TRAPPC8: variants seen among roughly 807,000 people sequenced by gnomAD.
The protein encoded by TRAPPC8 is general sporulation gene 1 homolog.
Under a neutral mutation model 174.3 loss-of-function variants are expected in TRAPPC8, and 54 were observed. That is an observed-to-expected ratio of 0.31 (90% CI 0.25 to 0.39). The LOEUF (loss-of-function observed/expected upper bound fraction) is 0.39. Among genes scored for constraint, TRAPPC8 ranks in the 10% least tolerant of loss-of-function variants. The probability of loss-of-function intolerance (pLI) is 1.00; values close to 1 mark genes in which losing one functional copy is unlikely to be tolerated. For synonymous variants in TRAPPC8, 630 were observed against 579.9 expected, an observed-to-expected ratio of 1.09 and a Z score of -1.24; for missense variants, 1,531 against 1,699.1, an observed-to-expected ratio of 0.90 and a Z score of 1.74.
intron 12 of TRAPPC8, chr18:31,883,611 A>T (rs1465358595): frequency 6.5e-6 from 1 of 153,070 alleles, no homozygotes; most frequent in Non-Finnish European, 1.5e-5. Flanking sequence ...CTGCCCAACT[A>T]ATGAAAGAAG....
chr18:31,918,060 G>T (rs568985756), intron 2 of TRAPPC8, among the ~76,000 whole-genome samples: 2 of 152,100 alleles, frequency 1.3e-5, no homozygotes, highest in Non-Finnish European at 2.9e-5. Context: ...CGGGAGGTGG[G>T]GGTTGAAGTG....
At chr18:31,928,490 C>T (rs1002376297) in intron 2 of TRAPPC8, among the ~76,000 whole-genome samples, 2 of 151,832 alleles carry the variant, frequency 1.3e-5, no homozygotes. Context: ...CCACTGCACA[C>T]CAGCCTTAGG....
At chr18:31,942,459 C>CCCGGAGCACCGCGGGG (rs1391828993) in intron 1 of TRAPPC8, 149 bp downstream of exon 1, 2 of 1,086,814 alleles carry the variant, frequency 1.8e-6, no homozygotes, top group African/African-American at 1.7e-5. Context: ...TCCAGCCGCC[C>CCCGGAGCACCGCGGGG]CCGGAGCACC....
rs756399663 is a variant in TRAPPC8 at position 31,913,428 on chromosome 18, C to G, written c.712G>C (p.Asp238His). Reference protein sequence around the residue: ...INSRTSNRASDEQIPDPWSQY... With the variant: ...INSRTSNRASHEQIPDPWSQY... ...CTCCAAGGATCTGGTATCTGTTCAT[C>G]TGATGCTCGATTAGATGTTCGAGAA... The change falls in exon 5 of 29, where the codon GAT becomes CAT. Residue 238 changes from aspartate (D) to histidine (H), a missense_variant. Coordinates refer to ENST00000283351, the MANE Select transcript of TRAPPC8 (RefSeq NM_014939.5). 1 of 1,610,712 alleles carries G rather than the reference C, an allele frequency of 6.2e-7. No individual in the cohort carries two copies. The highest frequency in any genetic ancestry group is 1.1e-5 in the South Asian group (1 of 90,264).
chr18:31,881,673 GC>G (rs2035461402), intron 12 of TRAPPC8, among the ~76,000 whole-genome samples: 1 of 151,974 alleles, frequency 6.6e-6, no homozygotes, highest in African/African-American at 2.4e-5. Context: ...AAAAGCTTCT[GC>G]ACAGCAAAAG....
intron 26 of TRAPPC8, among the ~76,000 whole-genome samples, chr18:31,844,791 T>C (rs1334419843): frequency 6.6e-6 from 1 of 151,226 alleles, no homozygotes; most frequent in African/African-American, 2.4e-5. Context: ...TCCGCACAAA[T>C]TACTTACTAT....
rs753568265 is a variant in TRAPPC8 at position 31,890,846 on chromosome 18, T to G, written c.1617A>C (p.Ala539=). 11 of 1,610,630 alleles carry G rather than the reference T, an allele frequency of 6.8e-6. No homozygotes were observed. The East Asian group carries it at 2.2e-4, about 33-fold the overall frequency. The change falls in exon 12 of 29, where the codon GCA becomes GCC. Residue 539 remains alanine (A), a synonymous_variant. Transcript: ENST00000283351. ...LTSEDSDLRS[A]LLLEQAAHCF... ...AATGTGCTGCCTGTTCCAAAAGAAGTGCACTTCGAAGATCAGAATCCTAGT... is the reference window on the plus strand; with the variant it reads ...AATGTGCTGCCTGTTCCAAAAGAAGGGCACTTCGAAGATCAGAATCCTAGT...
At chr18:31,911,902 A>C (rs2036927521) in intron 5 of TRAPPC8, among the ~76,000 whole-genome samples, 1 of 151,662 alleles carries the variant, frequency 6.6e-6, no homozygotes, top group Non-Finnish European at 1.5e-5. Flanking sequence ...TTTTCTTCTA[A>C]ACAAAAAACA....
At chr18:31,885,172 T>A (rs1164093107) in intron 12 of TRAPPC8, among the ~76,000 whole-genome samples, 6 of 152,112 alleles carry the variant, frequency 3.9e-5, no homozygotes, top group African/African-American at 1.4e-4. Flanking sequence ...TAAGTTTTTT[T>A]AAAAAAGAAA....
chr18:31,906,306 A>G (rs2036657415), intron 9 of TRAPPC8, among the ~76,000 whole-genome samples: 1 of 143,600 alleles, frequency 7.0e-6, no homozygotes, highest in South Asian at 2.1e-4. Context: ...GTCTCCAGGA[A>G]AAAAAAAAAA....
In TRAPPC8 at chr18:31,897,736, A is replaced by AC. The variant is rs558038370; in HGVS notation, c.1596+49_1596+50insG. ...TCAAGAAAAAAGATACATCTTTTTA[A>AC]AAAAAAAAGAACAATGCTAATTAAA... is the stretch of plus-strand genomic sequence containing the variant. On this transcript the variant is annotated intron_variant, in intron 11 of 28. Transcript: ENST00000283351. 362 of 1,184,508 alleles carry AC rather than the reference A, an allele frequency of 3.1e-4. 1 individual carries two copies. In the African/African-American group the frequency reaches 4.6e-3, roughly 15 times the overall value. 73.4% of individuals were successfully genotyped at this position (1,184,508 alleles called of 1,614,324 possible).
intron 12 of TRAPPC8, among the ~76,000 whole-genome samples, chr18:31,878,457 A>G (rs1345321641): frequency 6.6e-6 from 1 of 152,198 alleles, no homozygotes; most frequent in Non-Finnish European, 1.5e-5. Flanking sequence ...AGAAAATGCT[A>G]AAGAAATTTG....
Position 31,890,853 on chromosome 18 carries a change from C to G in TRAPPC8, c.1610G>C (p.Arg537Pro). 2 of 1,607,270 alleles carry G rather than the reference C, an allele frequency of 1.2e-6. No homozygotes were observed. Among genetic ancestry groups the G allele is most frequent in the Non-Finnish European group, 1.7e-6 (2 of 1,176,582 alleles). ...IRLTSEDSDLRSALLLEQAAH... is the reference protein window; with the variant it reads ...IRLTSEDSDLPSALLLEQAAH... ...TGCCTGTTCCAAAAGAAGTGCACTT[C>G]GAAGATCAGAATCCTAGTGAATGTT... The change falls in exon 12 of 29, where the codon CGA becomes CCA. Residue 537 changes from arginine to proline, a missense_variant. By Grantham distance (103) the Arg-to-Pro change is moderately radical. Transcript: ENST00000283351.
intron 19 of TRAPPC8, among the ~76,000 whole-genome samples, chr18:31,858,657 C>A (rs2034160961): frequency 6.6e-6 from 1 of 152,150 alleles, no homozygotes; most frequent in Non-Finnish European, 1.5e-5. Context: ...ACACACACTT[C>A]TAAAAAAAAT....
At chr18:31,894,197 T>C (rs970082995) in intron 11 of TRAPPC8, among the ~76,000 whole-genome samples, 13 of 152,338 alleles carry the variant, frequency 8.5e-5, no homozygotes, top group Admixed American at 5.2e-4. Flanking sequence ...ATACCATGTT[T>C]TCATATCTTG....
intron 1 of TRAPPC8, among the ~76,000 whole-genome samples, chr18:31,941,313 C>T (rs967237595): frequency 1.3e-5 from 2 of 152,122 alleles, no homozygotes; most frequent in East Asian, 3.9e-4. Flanking sequence ...TATGGTGGCG[C>T]ATGCCTGTAA....
At chr18:31,836,358 G>C (rs1430563764) in intron 27 of TRAPPC8, among the ~76,000 whole-genome samples, 4 of 152,120 alleles carry the variant, frequency 2.6e-5, no homozygotes, top group African/African-American at 9.7e-5. Flanking sequence ...ACTTTAGTTT[G>C]ATCAAAACTT....
chr18:31,867,113 T>G, intron 17 of TRAPPC8, 138 bp from the exon 18 acceptor site: 1 of 920,658 alleles, frequency 1.1e-6, no homozygotes, highest in Non-Finnish European at 1.6e-6. Flanking sequence ...AAAAGCATCT[T>G]CTTCAAAAGA....
intron 2 of TRAPPC8, among the ~76,000 whole-genome samples, chr18:31,930,223 G>T (rs190429602): frequency 1.1e-3 from 160 of 151,838 alleles, no homozygotes; most frequent in African/African-American, 3.8e-3. Flanking sequence ...GGGTTCAAGC[G>T]ATTCTTCTGC....
Sources: allele counts gnomAD v4.1 joint callset (sites outside exome capture counted in the v4.1 genomes callset), GRCh38; gene constraint gnomAD v4.1.1; transcripts MANE v1.5; gene names NCBI Gene and HGNC (gene_info 2026-07-23, HGNC 2026-07-21).